The following THAP4 variants were observed in gnomAD, a reference collection of about 807,000 sequenced individuals.
THAP4 encodes the protein peroxynitrite isomerase THAP4.
Under a neutral mutation model 48.1 loss-of-function variants are expected in THAP4, and 18 were observed. The ratio of observed to expected loss-of-function variants is 0.37; its 90% CI spans 0.26 to 0.56. THAP4 has a LOEUF of 0.56. Ranked by LOEUF, THAP4 falls within the 20% of genes least tolerant of loss-of-function variation. The pLI is 0.78. For missense variants in THAP4, 656 were observed against 774.9 expected, an observed-to-expected ratio of 0.85 and a Z score of 1.82; for synonymous variants, 345 against 324.9, an observed-to-expected ratio of 1.06 and a Z score of -0.66.
At chr2:241,615,322 G>A (rs188195228) in intron 2 of THAP4, among the ~76,000 whole-genome samples, 1 of 151,964 alleles carries the variant, frequency 6.6e-6, no homozygotes, top group Non-Finnish European at 1.5e-5. Flanking sequence ...TCACTTATGC[G>A]AATTACACCT....
At chr2:241,636,122 C>G (rs2067645756) in intron 1 of THAP4, among the ~76,000 whole-genome samples, 2 of 152,244 alleles carry the variant, frequency 1.3e-5, no homozygotes, top group Admixed American at 1.3e-4. Flanking sequence ...GTGAAATAAT[C>G]TAATGTTACT....
chr2:241,625,816 A>AAG (rs1247171382), intron 2 of THAP4, among the ~76,000 whole-genome samples: 1 of 149,010 alleles, frequency 6.7e-6, no homozygotes, highest in East Asian at 1.9e-4. Context: ...AAAAAAAAAA[A>AAG]AAAAAAAAGA....
chr2:241,590,980 A>ACACAGAG (rs1291643778), intron 5 of THAP4, among the ~76,000 whole-genome samples: 1 of 147,224 alleles, frequency 6.8e-6, no homozygotes, highest in African/African-American at 2.5e-5. Context: ...GCACTAGGAC[A>ACACAGAG]CTCAGAGCTG....
intron 2 of THAP4, among the ~76,000 whole-genome samples, chr2:241,622,541 G>C (rs1029439506): frequency 6.6e-6 from 1 of 151,984 alleles, no homozygotes; most frequent in Non-Finnish European, 1.5e-5. Context: ...AGAGAAGTAA[G>C]TGAAGGTAAA....
chr2:241,622,362 G>C (rs750725881), intron 2 of THAP4, among the ~76,000 whole-genome samples: 3 of 152,120 alleles, frequency 2.0e-5, no homozygotes, highest in Non-Finnish European at 2.9e-5. Flanking sequence ...GCAAGGCTCT[G>C]TCTCAAACAA....
At chr2:241,603,245 T>G (rs2067140884) in intron 3 of THAP4, among the ~76,000 whole-genome samples, 166 bp from the exon 4 acceptor site, 1 of 152,114 alleles carries the variant, frequency 6.6e-6, no homozygotes, top group African/African-American at 2.4e-5. Flanking sequence ...TGTGTCTGTC[T>G]TACCTGCTGA....
chr2:241,607,374 G>T (rs576353839), intron 2 of THAP4, among the ~76,000 whole-genome samples: 2 of 152,058 alleles, frequency 1.3e-5, no homozygotes, highest in East Asian at 3.9e-4. Flanking sequence ...GGATGCACGG[G>T]CCCTGCTCTT....
Position 241,601,007 on chromosome 2 carries a change from G to A in THAP4, c.1614+889C>T, listed in dbSNP as rs888572606. ...AAAAAAGGACAATCTGGCCGGGCAC[G>A]GTTGTTCATACCTGTAATCCCAGCA... On this transcript the variant is annotated intron_variant, in intron 5 of 5. Transcript: ENST00000407315. The surrounding 1 kb of genome is among the most constrained non-coding windows in gnomAD (Gnocchi z 4.0). Among the ~76,000 whole-genome samples the A allele has an allele frequency of 2.1e-4, 32 of 152,072 alleles. No homozygotes were observed. The highest frequency in any genetic ancestry group is 1.5e-3 in the Admixed American group (23 of 15,276).
intron 2 of THAP4, among the ~76,000 whole-genome samples, chr2:241,621,038 C>A (rs1209586787): frequency 1.3e-5 from 2 of 152,030 alleles, no homozygotes; most frequent in African/African-American, 2.4e-5. Flanking sequence ...TTAGAATTAC[C>A]ACACGGAGAA....
At chr2:241,604,541 G>A (rs1473798628) in intron 3 of THAP4, among the ~76,000 whole-genome samples, 1 of 151,962 alleles carries the variant, frequency 6.6e-6, no homozygotes, top group Non-Finnish European at 1.5e-5. Context: ...GTGAGCCACT[G>A]TGCCCAGCCA....
intron 5 of THAP4, among the ~76,000 whole-genome samples, chr2:241,596,004 C>T (rs982646041): frequency 1.3e-5 from 2 of 152,222 alleles, no homozygotes; most frequent in Admixed American, 6.5e-5. Context: ...TGGAAGCTCA[C>T]ACCTGTTTCC....
At chr2:241,597,859 T>C (rs776657674) in intron 5 of THAP4, among the ~76,000 whole-genome samples, 8 of 152,170 alleles carry the variant, frequency 5.3e-5, no homozygotes, top group Admixed American at 1.3e-4. Flanking sequence ...CTAAGCGCCA[T>C]GCCCAGGCTT....
At chr2:241,630,983 G>A (rs180911752) in intron 2 of THAP4, among the ~76,000 whole-genome samples, 2 of 152,084 alleles carry the variant, frequency 1.3e-5, no homozygotes, top group East Asian at 3.9e-4. Flanking sequence ...GCTTGAACCC[G>A]GGAGGCAGAG....
At chr2:241,586,644 C>T (rs1292300741) in intron 5 of THAP4, among the ~76,000 whole-genome samples, 3 of 152,096 alleles carry the variant, frequency 2.0e-5, no homozygotes, top group Non-Finnish European at 4.4e-5. Flanking sequence ...AGAATTTCTG[C>T]AGGTAATCAG....
chr2:241,619,441 G>A (rs943250413), intron 2 of THAP4, among the ~76,000 whole-genome samples: 8 of 152,226 alleles, frequency 5.3e-5, no homozygotes, highest in African/African-American at 1.9e-4. Flanking sequence ...ACGCACCTAG[G>A]CTGTATGGCA....
chr2:241,628,371 C>T (rs1275677648), intron 2 of THAP4, among the ~76,000 whole-genome samples: 1 of 151,792 alleles, frequency 6.6e-6, no homozygotes, highest in Non-Finnish European at 1.5e-5. Context: ...AGCTGCTGGC[C>T]TCAGACTGCC....
At chr2:241,596,445 T>G (rs1474552174) in intron 5 of THAP4, among the ~76,000 whole-genome samples, 1 of 71,100 alleles carries the variant, frequency 1.4e-5, no homozygotes, top group African/African-American at 6.8e-5. Flanking sequence ...AGGCAGAGGT[T>G]GCAGTGAGCC....
chr2:241,613,651 A>G (rs969348984), intron 2 of THAP4, among the ~76,000 whole-genome samples: 1 of 152,120 alleles, frequency 6.6e-6, no homozygotes, highest in African/African-American at 2.4e-5. Context: ...GCTACTCAGG[A>G]GGCTGAGGTG....
At position 241,603,132 on chromosome 2, in the gene THAP4, T is replaced by C. The variant is rs530955749; in HGVS notation, c.1401-53A>G. On this transcript the variant is annotated intron_variant, in intron 3 of 5. Coordinates refer to ENST00000407315, the MANE Select transcript of THAP4 (RefSeq NM_015963.6). ...CCAGGCACTGGCCTCCAAGATGGCG[T>C]GGGCTGCGTGGATGCCAGAACTGTC... 5 of 1,447,024 alleles carry C rather than the reference T, an allele frequency of 3.5e-6. No homozygotes were observed. The South Asian group carries it at 5.7e-5, about 17-fold the overall frequency. 89.6% of individuals were successfully genotyped at this position (1,447,024 alleles called of 1,614,324 possible).
Sources: allele counts gnomAD v4.1 joint callset (sites outside exome capture counted in the v4.1 genomes callset), GRCh38; gene constraint gnomAD v4.1.1; non-coding constraint Gnocchi (gnomAD v3.1); transcripts MANE v1.5; gene names NCBI Gene and HGNC (gene_info 2026-07-23, HGNC 2026-07-21).